The following KHDRBS2 variants were observed in gnomAD, a reference collection of about 807,000 sequenced individuals.
KHDRBS2 encodes the protein KH RNA binding domain containing, signal transduction associated 2.
KHDRBS2 carries 26 observed loss-of-function variants against 44.3 expected under a neutral mutation model. That is an observed-to-expected ratio of 0.59 (90% CI 0.43 to 0.81). The LOEUF (loss-of-function observed/expected upper bound fraction) is 0.81. Among genes scored for constraint, KHDRBS2 ranks in the 40% least tolerant of loss-of-function variants. The probability of loss-of-function intolerance (pLI) is 0.00; values close to 1 mark genes in which losing one functional copy is unlikely to be tolerated. For synonymous variants in KHDRBS2, 194 were observed against 151.1 expected (o/e 1.28, Z -2.08); for missense variants, 476 against 433.1 (o/e 1.10, Z -0.88).
At chr6:61,757,650 C>T (rs567674784) in intron 6 of KHDRBS2, among the ~76,000 whole-genome samples, 6 of 152,114 alleles carry the variant, frequency 3.9e-5, no homozygotes, top group South Asian at 4.2e-4. Context: ...TTTGTTCTTC[C>T]GTTTTTCCTC....
the KHDRBS2 span, among the ~76,000 whole-genome samples, chr6:61,597,773 T>TATATATATATATATATATATATAAAC: frequency 2.4e-5 from 1 of 42,354 alleles, no homozygotes. Flanking sequence ...TATATATATA[T>TATATATATATATATATATATATAAAC]ACACCAAGAT....
chr6:61,931,628 C>A (rs1810070707), intron 4 of KHDRBS2, among the ~76,000 whole-genome samples: 1 of 152,046 alleles, frequency 6.6e-6, no homozygotes, highest in South Asian at 2.1e-4. Flanking sequence ...GCAAACTAGC[C>A]AATTTTTAAA....
chr6:62,229,053 CG>C lies in KHDRBS2; in HGVS notation c.92-51742del, dbSNP rs549589833. Among the ~76,000 whole-genome samples the C allele has an allele frequency of 2.5e-3, 381 of 152,178 alleles. 3 individuals are homozygous for C. The highest frequency in any genetic ancestry group is 8.4e-3 in the African/African-American group (349 of 41,532). ...CTTGGTGGAGGGGTGTGCTTCGTTT[CG>C]GGGGGAAACACAATCATCTGGGCTG... is the stretch of plus-strand genomic sequence containing the variant. On this transcript the variant is annotated intron_variant, in intron 1 of 8. Coordinates refer to ENST00000281156, the MANE Select transcript of KHDRBS2 (RefSeq NM_152688.4).
intron 4 of KHDRBS2, among the ~76,000 whole-genome samples, chr6:61,957,033 A>T (rs1043714931): frequency 6.6e-6 from 1 of 152,150 alleles, no homozygotes; most frequent in African/African-American, 2.4e-5. Flanking sequence ...AACATTTATT[A>T]GTTCCCCAAA....
intron 2 of KHDRBS2, among the ~76,000 whole-genome samples, chr6:62,138,800 A>G (rs1280286434): frequency 1.3e-5 from 2 of 152,232 alleles, no homozygotes; most frequent in Admixed American, 6.5e-5. Context: ...ACCAAAAACT[A>G]TATGTGTTGC....
At chr6:61,662,775 A>T in the KHDRBS2 span, among the ~76,000 whole-genome samples, 1 of 151,924 alleles carries the variant, frequency 6.6e-6, no homozygotes, top group African/African-American at 2.4e-5. Flanking sequence ...GATGTGGAGA[A>T]ATAGGAACAC....
At chr6:61,703,193 T>C (rs1043247069) in intron 7 of KHDRBS2, among the ~76,000 whole-genome samples, 6 of 151,860 alleles carry the variant, frequency 4.0e-5, no homozygotes, top group African/African-American at 1.2e-4. Flanking sequence ...TTAAAGAACA[T>C]GATAAATGAA....
At chr6:62,245,143 C>A (rs1021698936) in intron 1 of KHDRBS2, among the ~76,000 whole-genome samples, 1 of 152,064 alleles carries the variant, frequency 6.6e-6, no homozygotes, top group African/African-American at 2.4e-5. Context: ...ATGGAAAGTG[C>A]AAATCAAAAA....
chr6:61,753,357 A>G (rs1037662814), intron 6 of KHDRBS2, among the ~76,000 whole-genome samples: 2 of 152,146 alleles, frequency 1.3e-5, no homozygotes, highest in African/African-American at 2.4e-5. Flanking sequence ...GACCCTAATT[A>G]GCTTAGGTCA....
At chr6:62,284,891 T>C (rs1342307925) in intron 1 of KHDRBS2, among the ~76,000 whole-genome samples, 2 of 152,142 alleles carry the variant, frequency 1.3e-5, no homozygotes, top group Non-Finnish European at 2.9e-5. Flanking sequence ...TCCGTTTTAG[T>C]TTTTTGCTGT....
chr6:61,858,062 A>G (rs904400815), intron 6 of KHDRBS2, among the ~76,000 whole-genome samples: 5 of 151,970 alleles, frequency 3.3e-5, no homozygotes, highest in African/African-American at 1.2e-4. Flanking sequence ...TTCAAGATTG[A>G]CATCATGGTA....
intron 6 of KHDRBS2, among the ~76,000 whole-genome samples, chr6:61,808,493 T>TAAA (rs1280389203): frequency 6.6e-6 from 1 of 152,164 alleles, no homozygotes; most frequent in Non-Finnish European, 1.5e-5. Context: ...TAGCATTAGG[T>TAAA]TTCTGAAGAA....
intron 2 of KHDRBS2, among the ~76,000 whole-genome samples, chr6:62,059,924 T>C (rs1426179556): frequency 6.6e-6 from 1 of 151,826 alleles, no homozygotes; most frequent in Non-Finnish European, 1.5e-5. Context: ...TCAGCAAATA[T>C]GTATCATATG....
chr6:61,588,716 C>T, the KHDRBS2 span, among the ~76,000 whole-genome samples: 9 of 151,922 alleles, frequency 5.9e-5, no homozygotes, highest in African/African-American at 2.2e-4. Flanking sequence ...CACTTAAGCT[C>T]GGGAGGTCAC....
At chr6:61,604,646 T>C in the KHDRBS2 span, among the ~76,000 whole-genome samples, 15 of 152,126 alleles carry the variant, frequency 9.9e-5, no homozygotes, top group Admixed American at 9.8e-4. Flanking sequence ...CATCTGCTAG[T>C]CTACTACTCT....
the KHDRBS2 span, among the ~76,000 whole-genome samples, chr6:61,637,225 T>C: frequency 5.4e-5 from 8 of 149,366 alleles, no homozygotes; most frequent in East Asian, 2.1e-4. Flanking sequence ...GATGTTCCTC[T>C]TCCTGTGGCC....
chr6:61,774,241 G>T (rs1781534573), intron 6 of KHDRBS2, among the ~76,000 whole-genome samples: 1 of 152,108 alleles, frequency 6.6e-6, no homozygotes, highest in Non-Finnish European at 1.5e-5. Context: ...GGGCAGTATG[G>T]CCATTTTCAC....
At chr6:61,811,419 C>T (rs1788095006) in intron 6 of KHDRBS2, among the ~76,000 whole-genome samples, 1 of 152,104 alleles carries the variant, frequency 6.6e-6, no homozygotes, top group African/African-American at 2.4e-5. Flanking sequence ...CATCCAAGTC[C>T]ATGTGTCTCT....
chr6:61,659,452 T>C, the KHDRBS2 span, among the ~76,000 whole-genome samples: 1 of 151,832 alleles, frequency 6.6e-6, no homozygotes, highest in Non-Finnish European at 1.5e-5. Flanking sequence ...AGCAATCATA[T>C]ACATTCATGG....
Sources: gnomAD v4.1 joint callset for allele counts (sites outside exome capture counted in the v4.1 genomes callset) on GRCh38, gnomAD v4.1.1 for gene constraint, MANE v1.5 for transcripts, NCBI Gene and HGNC (gene_info 2026-07-23, HGNC 2026-07-21) for gene names.